Variants in AGL observed in about 807,000 individuals in gnomAD.
The protein encoded by AGL is glycogen debranching enzyme.
AGL carries 128 observed loss-of-function variants against 199.3 expected under a neutral mutation model. The observed-to-expected ratio is 0.64, with a 90% CI of 0.56 to 0.74. The LOEUF (loss-of-function observed/expected upper bound fraction) is 0.74. Among genes scored for constraint, AGL ranks in the 30% least tolerant of loss-of-function variants. The pLI, the probability that AGL is intolerant of heterozygous loss-of-function variation, is 0.00. For missense variants in AGL, 1,809 were observed against 1,820.8 expected, an observed-to-expected ratio of 0.99 and a Z score of 0.12; for synonymous variants, 584 against 594.7, an observed-to-expected ratio of 0.98 and a Z score of 0.26.
intron 25 of AGL, 108 bp downstream of exon 25, chr1:99,896,496 A>G: frequency 1.1e-6 from 1 of 873,808 alleles, no homozygotes; most frequent in South Asian, 1.4e-5. Context: ...TGGGAGCTGT[A>G]TTTTCTTTAG....
At chr1:99,909,737 T>C (rs1429308873) in intron 27 of AGL, among the ~76,000 whole-genome samples, 1 of 152,174 alleles carries the variant, frequency 6.6e-6, no homozygotes, top group Non-Finnish European at 1.5e-5. Flanking sequence ...CCTTCCTCTT[T>C]ACACTTTTTG....
In AGL at chr1:99,884,711, T is replaced by C. The variant is rs1652318975; in HGVS notation, c.2681+8T>C. 3 of 1,613,866 alleles carry C rather than the reference T, an allele frequency of 1.9e-6. No homozygotes were observed. Among genetic ancestry groups the C allele is most frequent in the Middle Eastern group, 1.7e-4 (1 of 6,060 alleles). Reference sequence around the variant, plus strand: ...AAAAATTCCTTTTGCTTCGTAAGTATGCCTTGTTTGGTAGAGATTTGCCAC... The same window carrying C: ...AAAAATTCCTTTTGCTTCGTAAGTACGCCTTGTTTGGTAGAGATTTGCCAC... On this transcript the variant is annotated splice_region_variant and intron_variant, in intron 20 of 33. Transcript: ENST00000361915.
At chr1:99,856,919 G>A (rs373808562) in intron 2 of AGL, among the ~76,000 whole-genome samples, 7 of 152,122 alleles carry the variant, frequency 4.6e-5, no homozygotes, top group South Asian at 2.1e-4. Context: ...CAAAACCGCC[G>A]TCGTCATCAT....
intron 5 of AGL, among the ~76,000 whole-genome samples, chr1:99,869,653 A>C (rs1227479648): frequency 2.0e-5 from 3 of 152,252 alleles, no homozygotes; most frequent in African/African-American, 7.2e-5. Flanking sequence ...TTAACTGCTT[A>C]GAACAATTTC....
At chr1:99,890,441 A>C (rs1652789854) in intron 21 of AGL, among the ~76,000 whole-genome samples, 1 of 152,166 alleles carries the variant, frequency 6.6e-6, no homozygotes, top group Non-Finnish European at 1.5e-5. Flanking sequence ...CTTGAGGGAA[A>C]GAACTTTATC....
intron 27 of AGL, among the ~76,000 whole-genome samples, chr1:99,907,596 A>G (rs1035171407): frequency 8.6e-5 from 13 of 150,614 alleles, no homozygotes; most frequent in African/African-American, 2.7e-4. Context: ...CCATTCATCT[A>G]TATCCTCACC....
At position 99,910,745 on chromosome 1, in the gene AGL, C is replaced by T. The variant is rs1570504698; in HGVS notation, c.3734C>T (p.Thr1245Ile). The change falls in exon 28 of 34, where the codon ACA becomes ATA. Residue 1245 changes from threonine (T) to isoleucine (I), a missense_variant. Coordinates refer to ENST00000361915, the MANE Select transcript of AGL (RefSeq NM_000642.3). ...ATAACTGCAGGAGTTGATGAAGAAA[C>T]AGGATTTGTTTATGGAGGAAATCGT... Reference protein sequence around the residue: ...FNITAGVDEETGFVYGGNRFN... With the variant: ...FNITAGVDEEIGFVYGGNRFN... 1.2e-6 allele frequency: 2 copies of T among 1,610,426 alleles called. No individual in the cohort carries two copies. Among genetic ancestry groups the T allele is most frequent in the Non-Finnish European group, 1.7e-6 (2 of 1,177,108 alleles).
chr1:99,881,075 G>GCATA lies in AGL; in HGVS notation c.1900_1903dup (p.Arg635ThrfsTer2). ...TTTGCTTTGTTGTTGTTGTCTTCTA[G>GCATA]CATAGATCAGCGTATGATGCTCTTC... On this transcript the variant is annotated frameshift_variant and splice_region_variant. Coordinates refer to ENST00000361915, the MANE Select transcript of AGL (RefSeq NM_000642.3). LOFTEE classifies it high-confidence loss of function. 1 of 1,612,738 alleles carries GCATA rather than the reference G, an allele frequency of 6.2e-7. No individual in the cohort carries two copies. The highest frequency in any genetic ancestry group is 8.5e-7 in the Non-Finnish European group (1 of 1,178,922).
At chr1:99,914,921 T>TA (rs1225746541) in intron 30 of AGL, among the ~76,000 whole-genome samples, 3 of 151,322 alleles carry the variant, frequency 2.0e-5, no homozygotes, top group East Asian at 1.9e-4. Flanking sequence ...CACAAAAATT[T>TA]AAAAAAAAAT....
intron 27 of AGL, 82 bp downstream of exon 27, chr1:99,902,876 G>A (rs1262143004): frequency 1.9e-6 from 2 of 1,074,104 alleles, no homozygotes; most frequent in East Asian, 2.6e-5. Context: ...GTAAATATTT[G>A]TGTGCCAAAC....
At chr1:99,885,440 A>G (rs967928621) in intron 20 of AGL, among the ~76,000 whole-genome samples, 54 of 152,312 alleles carry the variant, frequency 3.5e-4, no homozygotes, top group African/African-American at 1.3e-3. Context: ...TCAGAAATGG[A>G]AGTTTTGGGT....
chr1:99,861,226 C>T (rs1450837500), intron 2 of AGL: 3 of 1,289,928 alleles, frequency 2.3e-6, no homozygotes, highest in African/African-American at 1.5e-5. Context: ...AGAATTTGCA[C>T]ATCCCAAGTT....
intron 14 of AGL, 26 bp from the exon 15 acceptor site, chr1:99,881,048 CTT>C (rs1287873941): frequency 6.3e-7 from 1 of 1,575,242 alleles, no homozygotes; most frequent in East Asian, 2.2e-5. Flanking sequence ...AGAAAGCAAA[CTT>C]TTGCTTTGTT....
intron 33 of AGL, among the ~76,000 whole-genome samples, chr1:99,918,798 T>A (rs763359435): frequency 6.6e-6 from 1 of 152,182 alleles, no homozygotes; most frequent in Non-Finnish European, 1.5e-5. Context: ...CTGACCAGAA[T>A]AGCATTTGGT....
chr1:99,885,485 T>C (rs935141741), intron 20 of AGL, among the ~76,000 whole-genome samples: 2 of 152,188 alleles, frequency 1.3e-5, no homozygotes, highest in Non-Finnish European at 2.9e-5. Flanking sequence ...GGCCACAGAC[T>C]GGTACTGGTC....
At chr1:99,888,232 T>C in intron 21 of AGL, 124 bp downstream of exon 21, 8 of 1,237,054 alleles carry the variant, frequency 6.5e-6, no homozygotes, top group Non-Finnish European at 9.2e-6. Context: ...GCTCTGCTTC[T>C]GCTCATTAAT....
chr1:99,860,979 G>A (rs1021462946), intron 2 of AGL, among the ~76,000 whole-genome samples: 60 of 152,226 alleles, frequency 3.9e-4, no homozygotes, highest in African/African-American at 1.4e-3. Context: ...CCTGAATTCT[G>A]CCTCTATAGA....
intron 5 of AGL, among the ~76,000 whole-genome samples, chr1:99,869,339 G>A (rs1234967397): frequency 2.0e-5 from 3 of 152,064 alleles, no homozygotes; most frequent in Non-Finnish European, 4.4e-5. Flanking sequence ...TTATGGGTAT[G>A]AATAAATACT....
At position 99,892,633 on chromosome 1, in the gene AGL, A is replaced by G. The variant is rs12073608; in HGVS notation, c.3259+26A>G. On this transcript the variant is annotated intron_variant, in intron 24 of 33. Coordinates refer to ENST00000361915, the MANE Select transcript of AGL (RefSeq NM_000642.3). Reference sequence around the variant, plus strand: ...GTAAGGAATTATGTACAAGGTTAAAATATGTAAATCGATAGTATTCGCGGA... The same window carrying G: ...GTAAGGAATTATGTACAAGGTTAAAGTATGTAAATCGATAGTATTCGCGGA... The G allele has an allele frequency of 7.1e-4, 1,145 of 1,606,868 alleles. 10 individuals are homozygous for G. The African/African-American group carries it at 0.014, about 19-fold the overall frequency.
Sources: gnomAD v4.1 joint callset for allele counts (sites outside exome capture counted in the v4.1 genomes callset) on GRCh38, gnomAD v4.1.1 for gene constraint, MANE v1.5 for transcripts, NCBI Gene and HGNC (gene_info 2026-07-23, HGNC 2026-07-21) for gene names.